LATS2: variants seen among roughly 807,000 people sequenced by gnomAD.
LATS2 encodes the protein serine/threonine-protein kinase LATS2.
A neutral mutation model predicts 76.0 loss-of-function variants in LATS2; 24 were observed. That is an observed-to-expected ratio of 0.32 (90% CI 0.23 to 0.44). The LOEUF (loss-of-function observed/expected upper bound fraction) is 0.44, where lower values mean the gene tolerates loss of function less well. Among genes scored for constraint, LATS2 ranks in the 20% least tolerant of loss-of-function variants. The pLI is 1.00. For synonymous variants in LATS2, 692 were observed against 635.4 expected (o/e 1.09, Z -1.34); for missense variants, 1,286 against 1,481.2 (o/e 0.87, Z 2.16).
chr13:21,044,884 C>T (rs1466697916), intron 2 of LATS2, among the ~76,000 whole-genome samples: 1 of 152,096 alleles, frequency 6.6e-6, no homozygotes, highest in African/African-American at 2.4e-5. Context: ...GTGCACACCA[C>T]CACGTCCAGC....
At chr13:21,053,656 T>G (rs1166243108) in intron 1 of LATS2, among the ~76,000 whole-genome samples, 1 of 152,074 alleles carries the variant, frequency 6.6e-6, no homozygotes, top group Admixed American at 6.6e-5. Context: ...CTCTGAAGTT[T>G]AACATGCAGG....
intron 2 of LATS2, among the ~76,000 whole-genome samples, chr13:20,996,500 C>T (rs1870759097): frequency 6.6e-6 from 1 of 151,788 alleles, no homozygotes; most frequent in African/African-American, 2.4e-5. Flanking sequence ...GCCTCAGCTT[C>T]CCGAATAGCT....
At position 20,998,881 on chromosome 13, in the gene LATS2, G is replaced by A. The variant is rs1247523053; in HGVS notation, c.343-7477C>T. On this transcript the variant is annotated intron_variant, in intron 2 of 7. Coordinates refer to ENST00000382592, the MANE Select transcript of LATS2 (RefSeq NM_014572.3). ...CGACATTGTCCACGACCTTGTGCAC[G>A]CGGGGCGGGGGCCCTGGCGACGTTG... Among the ~76,000 whole-genome samples the A allele has an allele frequency of 4.6e-5, 7 of 151,924 alleles. No individual in the cohort carries two copies. The East Asian group carries it at 5.8e-4, about 13-fold the overall frequency.
chr13:20,996,344 A>AT (rs1446437400), intron 2 of LATS2, among the ~76,000 whole-genome samples: 2 of 148,570 alleles, frequency 1.3e-5, no homozygotes, highest in Admixed American at 6.7e-5. Context: ...GTCCAGAAGC[A>AT]TTTTTTTTCT....
At chr13:21,037,341 T>C (rs564103508) in intron 2 of LATS2, among the ~76,000 whole-genome samples, 1 of 151,768 alleles carries the variant, frequency 6.6e-6, no homozygotes, top group African/African-American at 2.4e-5. Flanking sequence ...GAGGGGGAGG[T>C]TGCAGTAAGC....
At chr13:21,046,405 G>A (rs1330007836) in intron 1 of LATS2, among the ~76,000 whole-genome samples, 175 bp from the exon 2 acceptor site, 2 of 152,202 alleles carry the variant, frequency 1.3e-5, no homozygotes, top group Admixed American at 1.3e-4. Flanking sequence ...TAGAGCACAT[G>A]ACATCTACGG....
intron 1 of LATS2, among the ~76,000 whole-genome samples, chr13:21,054,816 A>G (rs918226779): frequency 6.6e-6 from 1 of 152,142 alleles, no homozygotes; most frequent in Non-Finnish European, 1.5e-5. Flanking sequence ...AAACATACAA[A>G]AAGGTTGAGA....
At chr13:21,005,931 T>C (rs1470131938) in intron 2 of LATS2, among the ~76,000 whole-genome samples, 3 of 151,690 alleles carry the variant, frequency 2.0e-5, no homozygotes, top group South Asian at 2.1e-4. Context: ...CTGACTGACA[T>C]GGAGAAACCC....
At chr13:20,977,792 T>A (rs1869692772) in intron 7 of LATS2, among the ~76,000 whole-genome samples, 1 of 152,240 alleles carries the variant, frequency 6.6e-6, no homozygotes, top group Admixed American at 6.5e-5. Context: ...AATAAAAAAA[T>A]CTGAATTATC....
At chr13:20,984,016 C>G (rs151158447) in intron 4 of LATS2, among the ~76,000 whole-genome samples, 1 of 152,174 alleles carries the variant, frequency 6.6e-6, no homozygotes. Context: ...CTGCAGCCTC[C>G]GCCTCCTGGG....
At chr13:21,032,500 C>G (rs372044956) in intron 2 of LATS2, among the ~76,000 whole-genome samples, 2 of 152,150 alleles carry the variant, frequency 1.3e-5, no homozygotes, top group African/African-American at 4.8e-5. Flanking sequence ...CTCCTGGCCT[C>G]AAGCAATCGC....
In LATS2 at chr13:20,975,106, A is replaced by C; in HGVS notation, c.3031T>G (p.Trp1011Gly). 1 of 1,614,218 alleles carries C rather than the reference A, an allele frequency of 6.2e-7. No individual in the cohort carries two copies. Among genetic ancestry groups the C allele is most frequent in the Non-Finnish European group, 8.5e-7 (1 of 1,180,040 alleles). Residue 1011 changes from tryptophan (W) to glycine (G), a missense_variant, in exon 8 of 8, where the codon TGG (tryptophan) becomes GGG (glycine). Transcript: ENST00000382592. ...NFDPVDEESPWNDASEGSTKA... is the reference protein window; with the variant it reads ...NFDPVDEESPGNDASEGSTKA... ...GTGCTACCTTCGCTGGCATCGTTCC[A>C]AGGGCTTTCTTCATCTACGGGGTCG...
At chr13:20,992,653 C>T (rs1465664786) in intron 2 of LATS2, among the ~76,000 whole-genome samples, 6 of 152,098 alleles carry the variant, frequency 3.9e-5, no homozygotes, top group Non-Finnish European at 5.9e-5. Flanking sequence ...TGAAGGTCAA[C>T]GAGGAGGGCA....
chr13:21,033,215 C>G (rs1321222854), intron 2 of LATS2, among the ~76,000 whole-genome samples: 10 of 151,342 alleles, frequency 6.6e-5, no homozygotes, highest in Admixed American at 5.9e-4. Context: ...AAGCTAGGAA[C>G]CTTTGTTAGA....
chr13:21,049,893 G>C (rs1433532741), intron 1 of LATS2, among the ~76,000 whole-genome samples: 1 of 152,078 alleles, frequency 6.6e-6, no homozygotes, highest in Non-Finnish European at 1.5e-5. Flanking sequence ...TGCCGAGGCA[G>C]GCAGATCACT....
chr13:20,988,865 T>C lies in LATS2; in HGVS notation c.915A>G (p.Pro305=). ...GCACGTAGAGCCCGGCGGCAGGGGG[T>C]GGGAAAGCGAGGCCGGCGCCTGGCG... The part of the protein sequence containing the change: ...GGPPGAGLAF[P]PPAAGLYVPH... Residue 305 remains proline, a synonymous_variant, in exon 4 of 8, where the codon CCA becomes CCG. Coordinates refer to ENST00000382592, the MANE Select transcript of LATS2 (RefSeq NM_014572.3). The C allele has an allele frequency of 6.3e-7, 1 of 1,578,290 alleles. No individual in the cohort carries two copies. The highest frequency in any genetic ancestry group is 8.6e-7 in the Non-Finnish European group (1 of 1,168,936).
intron 2 of LATS2, among the ~76,000 whole-genome samples, chr13:21,038,168 C>T (rs980233256): frequency 2.6e-5 from 4 of 151,906 alleles, no homozygotes; most frequent in South Asian, 4.2e-4. Flanking sequence ...CGGAGAAAGA[C>T]GCAGAAGGGG....
Position 20,988,159 on chromosome 13 carries a change from C to T in LATS2, c.1621G>A (p.Glu541Lys). ...TTGGGGCCCGCACGGAGGCTCTGCT[C>T]CATGCCTGCGCACAGGCTGTCCAGG... ...YDLDSLCAGM[E>K]QSLRAGPNEP... is the part of the protein sequence containing the mutation. Residue 541 changes from glutamate to lysine, a missense_variant, in exon 4 of 8, where the codon GAG (glutamate) becomes AAG (lysine). Around this residue, in one of 5 missense-constraint regions of LATS2, gnomAD observed 710 missense variants for 660.9 expected, o/e 1.07. Transcript: ENST00000382592. 2 of 1,614,046 alleles carry T rather than the reference C, an allele frequency of 1.2e-6. No homozygotes were observed. The highest frequency in any genetic ancestry group is 1.7e-6 in the Non-Finnish European group (2 of 1,179,994).
At chr13:21,016,978 C>T (rs915410978) in intron 2 of LATS2, among the ~76,000 whole-genome samples, 5 of 152,178 alleles carry the variant, frequency 3.3e-5, no homozygotes, top group Non-Finnish European at 7.3e-5. Flanking sequence ...ATTACAGCAT[C>T]AAATCACTTA....
Sources: allele counts gnomAD v4.1 joint callset (sites outside exome capture counted in the v4.1 genomes callset), GRCh38; gene constraint gnomAD v4.1.1; regional missense constraint gnomAD v4.1.1; transcripts MANE v1.5; gene names NCBI Gene and HGNC (gene_info 2026-07-23, HGNC 2026-07-21).